Variants in HMCN1 observed in about 807,000 individuals in gnomAD.
HMCN1 encodes hemicentin-1.
In HMCN1, 321 loss-of-function variants were observed where a neutral mutation model predicts 625.9. The observed-to-expected ratio is 0.51, with a 90% CI of 0.47 to 0.56. The LOEUF (loss-of-function observed/expected upper bound fraction) is 0.56, where lower values mean the gene tolerates loss of function less well. Ranked by LOEUF, HMCN1 falls within the 20% of genes least tolerant of loss-of-function variation. The pLI is 0.00. For synonymous variants in HMCN1, 2,425 were observed against 2,417.6 expected (o/e 1.00, Z -0.09); for missense variants, 6,588 against 6,887.3 (o/e 0.96, Z 1.54).
In HMCN1 at chr1:186,020,502, C is replaced by A. The variant is rs192519732; in HGVS notation, c.5625+807C>A. On this transcript the variant is annotated intron_variant, in intron 35 of 106. Transcript: ENST00000271588. ...CACATCTTTGTGCAAGTGAAAGATT[C>A]AGTTTTTAGCCTTCAGTCATAGTGA... is the stretch of plus-strand genomic sequence containing the variant. Among the ~76,000 whole-genome samples the A allele has an allele frequency of 5.3e-4, 81 of 152,074 alleles. 1 individual carries two copies. Among genetic ancestry groups the A allele is most frequent in the Non-Finnish European group, 7.5e-4 (51 of 67,938 alleles).
At chr1:186,115,148 C>T (rs1292159509) in intron 74 of HMCN1, 110 bp from the exon 75 acceptor site, 1 of 1,449,446 alleles carries the variant, frequency 6.9e-7, no homozygotes, top group Non-Finnish European at 9.7e-7. Context: ...CTTGTTTGCT[C>T]ATAACTATGA....
chr1:186,149,171 C>G (rs1250958327), intron 93 of HMCN1, among the ~76,000 whole-genome samples: 2 of 152,176 alleles, frequency 1.3e-5, no homozygotes, highest in East Asian at 1.9e-4. Context: ...TCAGTTTGTT[C>G]TTTGGAGCTT....
intron 76 of HMCN1, 22 bp from the exon 77 acceptor site, chr1:186,117,437 T>TTTG (rs755817022): frequency 1.9e-6 from 3 of 1,608,186 alleles, no homozygotes; most frequent in Admixed American, 3.3e-5. Flanking sequence ...TTTTTCCCTT[T>TTTG]TTGTTGTTGT....
intron 15 of HMCN1, among the ~76,000 whole-genome samples, chr1:185,973,007 A>G (rs1347336141): frequency 6.6e-6 from 1 of 152,150 alleles, no homozygotes; most frequent in Admixed American, 6.6e-5. Context: ...TTAAAGGTAA[A>G]CACACATCAA....
At chr1:185,857,302 T>C (rs528028618) in intron 2 of HMCN1, among the ~76,000 whole-genome samples, 69 of 152,318 alleles carry the variant, frequency 4.5e-4, no homozygotes, top group African/African-American at 1.6e-3. Flanking sequence ...AGATAAAATG[T>C]CAATCAAAAT....
At chr1:185,872,101 G>A (rs1663655053) in intron 4 of HMCN1, among the ~76,000 whole-genome samples, 1 of 152,152 alleles carries the variant, frequency 6.6e-6, no homozygotes, top group African/African-American at 2.4e-5. Context: ...ATGTGTAAAT[G>A]TTTCCACTTA....
intron 12 of HMCN1, 116 bp from the exon 13 acceptor site, chr1:185,963,652 C>T (rs1191557466): frequency 1.3e-6 from 1 of 760,430 alleles, no homozygotes; most frequent in East Asian, 2.6e-5. Context: ...CTGCAATCGA[C>T]ACCAAAAATA....
At chr1:186,003,689 A>T (rs1437250409) in intron 28 of HMCN1, 29 bp from the exon 29 acceptor site, 1 of 1,610,988 alleles carries the variant, frequency 6.2e-7, no homozygotes, top group Admixed American at 1.7e-5. Flanking sequence ...TGAGTAACAG[A>T]GTTTCATAAT....
At chr1:186,132,520 G>A (rs1661995995) in intron 86 of HMCN1, 111 bp downstream of exon 86, 1 of 853,752 alleles carries the variant, frequency 1.2e-6, no homozygotes, top group African/African-American at 1.7e-5. Context: ...AGCTCTCAGA[G>A]TGTGTCTAAT....
Position 186,153,751 on chromosome 1 carries a change from A to C in HMCN1, c.15020A>C (p.Asp5007Ala). ...LQSPAEVTVKDYTEDYIQTGP... is the reference protein window; with the variant it reads ...LQSPAEVTVKAYTEDYIQTGP... ...TCAAATCCACATTGTTCTCCTTAGG[A>C]TTACACAGAGGACTACATTCAAACA... Residue 5007 changes from aspartate to alanine, a missense_variant and splice_region_variant, in exon 97 of 107, where the codon GAT becomes GCT. Physicochemically the swap from Asp to Ala is moderately radical, Grantham distance 126 (BLOSUM62 -2). This residue lies in a region of HMCN1 where 1,954 missense variants were observed against 2,013.1 expected (regional missense o/e 0.97). Coordinates refer to ENST00000271588, the MANE Select transcript of HMCN1 (RefSeq NM_031935.3). The C allele has an allele frequency of 6.2e-7, 1 of 1,613,526 alleles. No individual in the cohort carries two copies. Among genetic ancestry groups the C allele is most frequent in the Non-Finnish European group, 8.5e-7 (1 of 1,179,520 alleles).
intron 1 of HMCN1, among the ~76,000 whole-genome samples, chr1:185,821,336 T>C (rs1240347462): frequency 6.6e-6 from 1 of 152,158 alleles, no homozygotes; most frequent in African/African-American, 2.4e-5. Context: ...AATAATTATA[T>C]GTCATTAGTT....
At chr1:186,168,574 A>AT (rs1257458117) in intron 100 of HMCN1, among the ~76,000 whole-genome samples, 2 of 152,140 alleles carry the variant, frequency 1.3e-5, no homozygotes, top group Non-Finnish European at 2.9e-5. Flanking sequence ...GACATTGGCA[A>AT]TCTGGAATGT....
intron 69 of HMCN1, among the ~76,000 whole-genome samples, chr1:186,104,457 T>C (rs1475264066): frequency 6.6e-6 from 1 of 152,220 alleles, no homozygotes; most frequent in African/African-American, 2.4e-5. Context: ...AATAACAAAT[T>C]ATTTGATCAT....
intron 1 of HMCN1, among the ~76,000 whole-genome samples, chr1:185,744,148 C>A (rs1164255798): frequency 6.6e-6 from 1 of 151,176 alleles, no homozygotes; most frequent in African/African-American, 2.4e-5. Context: ...GCCACCACAC[C>A]CAGCTAATTT....
At position 186,104,683 on chromosome 1, in the gene HMCN1, G is replaced by A. The variant is rs142729691; in HGVS notation, c.10770+1015G>A. 2.7e-3 allele frequency among the ~76,000 whole-genome samples: 407 copies of A among 152,252 alleles called. 1 individual carries two copies. Among genetic ancestry groups the A allele is most frequent in the African/African-American group, 9.2e-3 (383 of 41,548 alleles). Reference sequence around the variant, plus strand: ...ACTTATCTGCCAAGTACTCATTGCTGCTCAGTGATGGAGCTAGGCCTCAAT... The same window carrying A: ...ACTTATCTGCCAAGTACTCATTGCTACTCAGTGATGGAGCTAGGCCTCAAT... On this transcript the variant is annotated intron_variant, in intron 69 of 106. Coordinates refer to ENST00000271588, the MANE Select transcript of HMCN1 (RefSeq NM_031935.3).
At chr1:186,045,896 G>A (rs1252963591) in intron 41 of HMCN1, 33 bp downstream of exon 41, 3 of 1,468,534 alleles carry the variant, frequency 2.0e-6, no homozygotes, top group Admixed American at 1.7e-5. Context: ...TTTACCTTAT[G>A]TTATTAGAAG....
At chr1:186,179,508 A>C (rs1360266869) in intron 104 of HMCN1, among the ~76,000 whole-genome samples, 1 of 152,196 alleles carries the variant, frequency 6.6e-6, no homozygotes, top group Non-Finnish European at 1.5e-5. Flanking sequence ...TACAATTAGC[A>C]TGTCATTGAC....
chr1:185,813,462 C>T (rs2102250720), intron 1 of HMCN1, among the ~76,000 whole-genome samples: 1 of 152,196 alleles, frequency 6.6e-6, no homozygotes, highest in East Asian at 1.9e-4. Context: ...TCTGATTACT[C>T]TTGTAAAATA....
intron 93 of HMCN1, among the ~76,000 whole-genome samples, chr1:186,147,386 A>G (rs1650380877): frequency 7.7e-6 from 1 of 129,958 alleles, no homozygotes; most frequent in Non-Finnish European, 1.5e-5. Context: ...GGCAGGCTTC[A>G]TGTCTTTTTT....
Sources: allele counts gnomAD v4.1 joint callset (sites outside exome capture counted in the v4.1 genomes callset), GRCh38; gene constraint gnomAD v4.1.1; regional missense constraint gnomAD v4.1.1; transcripts MANE v1.5; gene names NCBI Gene and HGNC (gene_info 2026-07-23, HGNC 2026-07-21).